Variants in GLIS3 observed in about 807,000 individuals in gnomAD.
GLIS3 encodes zinc finger protein GLIS3.
In GLIS3, 53 loss-of-function variants were observed where a neutral mutation model predicts 78.6. The observed-to-expected ratio is 0.67, with a 90% CI of 0.54 to 0.85. GLIS3 has a LOEUF of 0.85. GLIS3 is among the 40% of genes least tolerant of loss of function. The probability of loss-of-function intolerance (pLI) is 0.00; values close to 1 mark genes in which losing one functional copy is unlikely to be tolerated. For missense variants in GLIS3, 1,703 were observed against 1,231.1 expected (o/e 1.38, Z -5.74); for synonymous variants, 684 against 509.9 (o/e 1.34, Z -4.60).
chr9:3,990,179 G>A (rs567380932), intron 4 of GLIS3, among the ~76,000 whole-genome samples: 2 of 152,272 alleles, frequency 1.3e-5, no homozygotes, highest in African/African-American at 2.4e-5. Flanking sequence ...GGAAAGAGCC[G>A]AGGGCAAACT....
intron 4 of GLIS3, among the ~76,000 whole-genome samples, chr9:4,094,919 G>A (rs12336416): frequency 0.026 from 4,000 of 152,026 alleles, 183 homozygotes; most frequent in African/African-American, 0.093. Flanking sequence ...CATAATAATT[G>A]TACATATTCA....
chr9:3,860,078 A>G (rs911318432), intron 8 of GLIS3, among the ~76,000 whole-genome samples: 3 of 152,062 alleles, frequency 2.0e-5, no homozygotes, highest in Non-Finnish European at 4.4e-5. Flanking sequence ...GATTGAGACC[A>G]TCCTGGCTAA....
At chr9:4,121,914 C>G (rs911626986) in intron 3 of GLIS3, among the ~76,000 whole-genome samples, 1 of 152,228 alleles carries the variant, frequency 6.6e-6, no homozygotes, top group Non-Finnish European at 1.5e-5. Flanking sequence ...CCTCTAACTC[C>G]TGCTGCTACC....
the GLIS3 span, among the ~76,000 whole-genome samples, chr9:4,414,329 G>C: frequency 6.6e-6 from 1 of 152,280 alleles, no homozygotes; most frequent in East Asian, 1.9e-4. Context: ...CATTTTTTAA[G>C]CACTTCAGAG....
At chr9:4,442,357 A>G in the GLIS3 span, among the ~76,000 whole-genome samples, 5 of 151,916 alleles carry the variant, frequency 3.3e-5, no homozygotes, top group South Asian at 2.1e-4. Context: ...CTTAATCTAG[A>G]TAAAGGTTTA....
chr9:4,448,090 G>T, the GLIS3 span, among the ~76,000 whole-genome samples: 2 of 152,040 alleles, frequency 1.3e-5, no homozygotes, highest in African/African-American at 4.8e-5. Flanking sequence ...AGCTTTCCTT[G>T]ACTGGTACCG....
At chr9:3,917,870 T>C (rs901145427) in intron 6 of GLIS3, among the ~76,000 whole-genome samples, 1 of 152,214 alleles carries the variant, frequency 6.6e-6, no homozygotes, top group Admixed American at 6.5e-5. Flanking sequence ...TGCACTGCCT[T>C]TGCTATACAA....
chr9:3,953,795 C>CTATATATATATATATA (rs57500093), intron 4 of GLIS3, among the ~76,000 whole-genome samples: 3 of 73,322 alleles, frequency 4.1e-5, no homozygotes, highest in African/African-American at 1.7e-4. Flanking sequence ...CTCTCTCTCT[C>CTATATATATATATATA]TATATATATA....
chr9:4,269,444 G>C (rs1324150719), intron 2 of GLIS3, among the ~76,000 whole-genome samples: 3 of 152,174 alleles, frequency 2.0e-5, no homozygotes, highest in Non-Finnish European at 4.4e-5. Flanking sequence ...ACTGATCACA[G>C]TTTTCATAAA....
At chr9:4,150,908 C>G (rs1301279564) in intron 2 of GLIS3, 4 of 152,152 alleles carry the variant, frequency 2.6e-5, no homozygotes, top group South Asian at 2.1e-4. Context: ...TTGGGGCTGT[C>G]AGTTATAAAT....
chr9:3,878,199 C>G (rs117272923), intron 8 of GLIS3, among the ~76,000 whole-genome samples: 4,663 of 152,116 alleles, frequency 0.031, 101 homozygotes, highest in Middle Eastern at 0.054. Context: ...TTTCCCTCAC[C>G]CCCGAGACAG....
At chr9:4,265,671 C>A (rs1414823684) in intron 2 of GLIS3, among the ~76,000 whole-genome samples, 1 of 152,174 alleles carries the variant, frequency 6.6e-6, no homozygotes, top group Non-Finnish European at 1.5e-5. Context: ...ACAAAGACAA[C>A]TGGCCATAGA....
In GLIS3 at chr9:3,845,071, A is replaced by ATG. The variant is rs35747567; in HGVS notation, c.2473+10936_2473+10937dup. On this transcript the variant is annotated intron_variant, in intron 9 of 10. Coordinates refer to ENST00000381971, the MANE Select transcript of GLIS3 (RefSeq NM_001042413.2). ...AGAAACTGTGCAAAGATATATATAT[A>ATG]TGTGTGTGTGTGTGTACAGGAGTGT... is the stretch of plus-strand genomic sequence containing the variant. Among the ~76,000 whole-genome samples, 226 of 151,358 alleles carry ATG rather than the reference A, an allele frequency of 1.5e-3. 2 individuals carry two copies. The highest frequency in any genetic ancestry group is 5.0e-3 in the African/African-American group (204 of 41,204).
At chr9:4,315,859 G>C (rs1433304953) in intron 2 of GLIS3, among the ~76,000 whole-genome samples, 1 of 152,098 alleles carries the variant, frequency 6.6e-6, no homozygotes, top group Non-Finnish European at 1.5e-5. Context: ...TGTTCTTCCA[G>C]GTATGGGGTT....
At position 3,905,144 on chromosome 9, in the gene GLIS3, TTTTC is replaced by T. The variant is rs1316178062; in HGVS notation, c.1984-6313_1984-6310del. Among the ~76,000 whole-genome samples, 45 of 135,046 alleles carry T rather than the reference TTTTC, an allele frequency of 3.3e-4. No homozygotes were observed. In the South Asian group the frequency reaches 6.5e-3, roughly 20 times the overall value. The allele number at this position is 135,046 out of a possible 152,430, so 88.6% of individuals were successfully genotyped here. A position where few individuals can be genotyped will look rare whatever the true frequency, so the allele number is the denominator to read the frequency against. On this transcript the variant is annotated intron_variant, in intron 6 of 10. Transcript: ENST00000381971. ...CCTGCCGCCACGCCCGGTTAAATTT[TTTTC>T]TTTTTTTTTTTTTTGCTATTTTTAG...
rs546085319 is a variant in GLIS3 at position 4,016,835 on chromosome 9, T to C, written c.1711-79646A>G. On this transcript the variant is annotated intron_variant, in intron 4 of 10. Transcript: ENST00000381971. ...GTTGGGCAAAGCCACTACAATCCTA[T>C]TACCAGCTGGCATATGATCAGATGA... is the stretch of plus-strand genomic sequence containing the variant. Among the ~76,000 whole-genome samples the C allele has an allele frequency of 7.2e-5, 11 of 152,314 alleles. No homozygotes were observed. In the South Asian group the frequency reaches 2.3e-3, roughly 32 times the overall value.
intron 8 of GLIS3, among the ~76,000 whole-genome samples, chr9:3,857,517 A>G (rs1298127429): frequency 6.6e-6 from 1 of 152,214 alleles, no homozygotes; most frequent in African/African-American, 2.4e-5. Context: ...TGCTTTTCCC[A>G]TGTGAGGTGT....
intron 4 of GLIS3, among the ~76,000 whole-genome samples, chr9:4,066,342 T>C (rs1047966793): frequency 1.3e-5 from 2 of 152,014 alleles, no homozygotes; most frequent in African/African-American, 4.8e-5. Context: ...GGGTGGGAAA[T>C]CCTCTGGAGT....
intron 7 of GLIS3, among the ~76,000 whole-genome samples, chr9:3,892,008 G>A (rs1171946257): frequency 6.6e-6 from 1 of 152,062 alleles, no homozygotes; most frequent in African/African-American, 2.4e-5. Flanking sequence ...GTAGAAAAAA[G>A]GACTTTCTCT....
Sources: gnomAD v4.1 joint callset for allele counts (sites outside exome capture counted in the v4.1 genomes callset) on GRCh38, gnomAD v4.1.1 for gene constraint, MANE v1.5 for transcripts, NCBI Gene and HGNC (gene_info 2026-07-23, HGNC 2026-07-21) for gene names.